Variants in SETD3 observed in about 807,000 individuals in gnomAD.
SETD3 encodes the protein actin-histidine N-methyltransferase.
Under a neutral mutation model 63.0 loss-of-function variants are expected in SETD3, and 19 were observed. The ratio of observed to expected loss-of-function variants is 0.30; its 90% CI spans 0.21 to 0.44. SETD3 has a LOEUF of 0.44. Ranked by LOEUF, SETD3 falls within the 20% of genes least tolerant of loss-of-function variation. SETD3 has a pLI of 1.00. For synonymous variants in SETD3, 286 were observed against 264.1 expected (o/e 1.08, Z -0.80); for missense variants, 587 against 728.5 (o/e 0.81, Z 2.24).
intron 6 of SETD3, among the ~76,000 whole-genome samples, chr14:99,439,659 A>G (rs1332963823): frequency 6.8e-6 from 1 of 147,934 alleles, no homozygotes; most frequent in South Asian, 2.1e-4. Flanking sequence ...ATAAATATGT[A>G]AGTATATATA....
chr14:99,427,949 A>G (rs1260881767), intron 6 of SETD3, among the ~76,000 whole-genome samples: 1 of 152,190 alleles, frequency 6.6e-6, no homozygotes, highest in Non-Finnish European at 1.5e-5. Flanking sequence ...CCATGTGGGA[A>G]GGGAGACATC....
chr14:99,422,366 C>T (rs1432239192), intron 6 of SETD3, among the ~76,000 whole-genome samples: 1 of 152,198 alleles, frequency 6.6e-6, no homozygotes, highest in Non-Finnish European at 1.5e-5. Context: ...CATTAAACCA[C>T]TATATCAAGT....
At chr14:99,413,661 C>A (rs1349397787) in intron 7 of SETD3, among the ~76,000 whole-genome samples, 1 of 152,216 alleles carries the variant, frequency 6.6e-6, no homozygotes, top group East Asian at 1.9e-4. Flanking sequence ...AGCTAATCCC[C>A]TGCCATGACA....
At chr14:99,431,553 G>A (rs972670596) in intron 6 of SETD3, among the ~76,000 whole-genome samples, 10 of 151,738 alleles carry the variant, frequency 6.6e-5, no homozygotes, top group African/African-American at 1.5e-4. Context: ...GTGCAGTGGC[G>A]CGATCTCAGC....
chr14:99,467,113 ATTAT>A (rs1221165425), intron 1 of SETD3, among the ~76,000 whole-genome samples: 1 of 152,218 alleles, frequency 6.6e-6, no homozygotes, highest in Non-Finnish European at 1.5e-5. Context: ...AGGACATCAC[ATTAT>A]TTAACAGGCT....
rs1895043400 is a variant in SETD3 at position 99,461,180 on chromosome 14, T to G, written c.345+12A>C. Reference sequence around the variant, plus strand: ...ACATAGACCCCTTGAGACCAACATTTTATAAACTCACCTTGATATCTCTTG... The same window carrying G: ...ACATAGACCCCTTGAGACCAACATTGTATAAACTCACCTTGATATCTCTTG... On this transcript the variant is annotated intron_variant, in intron 4 of 12. Transcript: ENST00000331768. 7 of 1,613,634 alleles carry G rather than the reference T, an allele frequency of 4.3e-6. No homozygotes were observed. Among genetic ancestry groups the G allele is most frequent in the African/African-American group, 1.3e-5 (1 of 74,918 alleles).
At chr14:99,469,720 T>C (rs757593021) in intron 1 of SETD3, among the ~76,000 whole-genome samples, 70 of 152,252 alleles carry the variant, frequency 4.6e-4, no homozygotes, top group Middle Eastern at 3.4e-3. Context: ...CACTCCAGCC[T>C]GGGTGACAGA....
chr14:99,400,005 T>C, intron 12 of SETD3, 94 bp downstream of exon 12: 1 of 1,174,256 alleles, frequency 8.5e-7, no homozygotes, highest in Non-Finnish European at 1.2e-6. Flanking sequence ...CCTCCCAAAG[T>C]GCTGGGATTA....
intron 1 of SETD3, among the ~76,000 whole-genome samples, chr14:99,473,813 G>A (rs1895827763): frequency 6.6e-6 from 1 of 152,162 alleles, no homozygotes; most frequent in Non-Finnish European, 1.5e-5. Context: ...GGAAAATGAA[G>A]GCACTCCCAA....
intron 12 of SETD3, among the ~76,000 whole-genome samples, chr14:99,399,589 A>ATTT (rs1891270011): frequency 1.3e-5 from 2 of 152,214 alleles, no homozygotes; most frequent in Non-Finnish European, 2.9e-5. Context: ...TGAATTATAA[A>ATTT]TTATAAAAAA....
At chr14:99,439,735 T>C (rs1425318029) in intron 6 of SETD3, among the ~76,000 whole-genome samples, 1 of 148,912 alleles carries the variant, frequency 6.7e-6, no homozygotes, top group Non-Finnish European at 1.5e-5. Flanking sequence ...TTTATATTTT[T>C]ATACATATAA....
At chr14:99,448,572 TGAC>T (rs1894271074) in intron 6 of SETD3, among the ~76,000 whole-genome samples, 1 of 152,166 alleles carries the variant, frequency 6.6e-6, no homozygotes, top group Admixed American at 6.5e-5. Flanking sequence ...CCAGTTCCCA[TGAC>T]CATAGAATGC....
chr14:99,442,484 C>G (rs567992186), intron 6 of SETD3, among the ~76,000 whole-genome samples: 5 of 152,164 alleles, frequency 3.3e-5, no homozygotes, highest in Non-Finnish European at 7.3e-5. Flanking sequence ...AGTGGGTCCA[C>G]TTATACATAG....
chr14:99,461,105 C>CA, intron 4 of SETD3, 87 bp downstream of exon 4: 1 of 1,472,686 alleles, frequency 6.8e-7, no homozygotes, highest in Non-Finnish European at 9.2e-7. Flanking sequence ...TCCCCCACCA[C>CA]ACGTCTACCT....
intron 6 of SETD3, among the ~76,000 whole-genome samples, chr14:99,457,865 T>C (rs1020184105): frequency 3.9e-5 from 6 of 152,274 alleles, no homozygotes; most frequent in African/African-American, 1.4e-4. Flanking sequence ...ATAAATGTTA[T>C]AATTTGCTAA....
intron 6 of SETD3, among the ~76,000 whole-genome samples, chr14:99,454,874 T>C (rs1216773452): frequency 6.6e-6 from 1 of 152,144 alleles, no homozygotes; most frequent in African/African-American, 2.4e-5. Flanking sequence ...TTCCACAGTT[T>C]CCCAGAGGAA....
chr14:99,419,539 G>A (rs1467134665), intron 6 of SETD3, among the ~76,000 whole-genome samples: 5 of 152,124 alleles, frequency 3.3e-5, no homozygotes, highest in African/African-American at 4.8e-5. Flanking sequence ...ACTTTGGGAG[G>A]CCGAAGCGGG....
chr14:99,414,603 C>G lies in SETD3; in HGVS notation c.676-669G>C, dbSNP rs1892191055. ...ATTTAAATTTTACTTCTTTCCTGGACAAAAGAACATTTGGTAAAAATACTA... is the reference window on the plus strand; with the variant it reads ...ATTTAAATTTTACTTCTTTCCTGGAGAAAAGAACATTTGGTAAAAATACTA... On this transcript the variant is annotated intron_variant, in intron 6 of 12. Coordinates refer to ENST00000331768, the MANE Select transcript of SETD3 (RefSeq NM_032233.3). 2.0e-5 allele frequency among the ~76,000 whole-genome samples: 3 copies of G among 152,150 alleles called. No individual in the cohort carries two copies. In the South Asian group the frequency reaches 6.2e-4, roughly 31 times the overall value.
chr14:99,398,584 CAGAA>C lies in SETD3; in HGVS notation c.*91_*94del. 1.6e-6 allele frequency: 2 copies of C among 1,221,874 alleles called. No homozygotes were observed. The highest frequency in any genetic ancestry group is 2.3e-6 in the Non-Finnish European group (2 of 871,982). 75.7% of individuals were successfully genotyped at this position (1,221,874 alleles called of 1,614,324 possible). A position where few individuals can be genotyped will look rare whatever the true frequency, so the allele number is the denominator to read the frequency against. ...CAGCAAAAACATATCTTCCTCTCTG[CAGAA>C]AGAAAAATGTTAACAAGGAAACACA... On this transcript the variant is annotated 3_prime_UTR_variant, in exon 13 of 13. Coordinates refer to ENST00000331768, the MANE Select transcript of SETD3 (RefSeq NM_032233.3).
Sources: gnomAD v4.1 joint callset for allele counts (sites outside exome capture counted in the v4.1 genomes callset) on GRCh38, gnomAD v4.1.1 for gene constraint, MANE v1.5 for transcripts, NCBI Gene and HGNC (gene_info 2026-07-23, HGNC 2026-07-21) for gene names.